The following SLC24A3 variants were observed in gnomAD, a reference collection of about 807,000 sequenced individuals.
SLC24A3 encodes sodium/potassium/calcium exchanger 3.
Under a neutral mutation model 75.8 loss-of-function variants are expected in SLC24A3, and 28 were observed. The observed-to-expected ratio is 0.37, with a 90% CI of 0.27 to 0.51. The LOEUF is 0.51. Among genes scored for constraint, SLC24A3 ranks in the 20% least tolerant of loss-of-function variants. The probability of loss-of-function intolerance (pLI) is 0.94; values close to 1 mark genes in which losing one functional copy is unlikely to be tolerated. For missense variants in SLC24A3, 663 were observed against 847.8 expected (o/e 0.78, Z 2.71); for synonymous variants, 372 against 334.1 (o/e 1.11, Z -1.24).
At chr20:19,674,523 G>A (rs1472623784) in intron 9 of SLC24A3, among the ~76,000 whole-genome samples, 1 of 152,146 alleles carries the variant, frequency 6.6e-6, no homozygotes, top group East Asian at 1.9e-4. Flanking sequence ...AGAGCAAGTG[G>A]TTCAAGACAG....
At chr20:19,395,159 T>C (rs1032883142) in intron 2 of SLC24A3, among the ~76,000 whole-genome samples, 1 of 151,958 alleles carries the variant, frequency 6.6e-6, no homozygotes, top group East Asian at 1.9e-4. Flanking sequence ...AAACAGGAAG[T>C]TGGATGGTGG....
intron 6 of SLC24A3, among the ~76,000 whole-genome samples, chr20:19,587,856 G>C (rs2031320688): frequency 6.6e-6 from 1 of 152,150 alleles, no homozygotes; most frequent in South Asian, 2.1e-4. Context: ...GCTCTACATG[G>C]TAAGTCAGTC....
In SLC24A3 at chr20:19,394,683, T is replaced by C. The variant is rs538359092; in HGVS notation, c.271+113596T>C. ...AGATATCACCTCCTACCTAGTAGGA[T>C]GGCTGTCATAAAAAACAAACAAAAC... On this transcript the variant is annotated intron_variant, in intron 2 of 16. Transcript: ENST00000328041. Among the ~76,000 whole-genome samples, 29 of 152,324 alleles carry C rather than the reference T, an allele frequency of 1.9e-4. No homozygotes were observed. In the South Asian group the frequency reaches 2.3e-3, roughly 12 times the overall value.
intron 6 of SLC24A3, among the ~76,000 whole-genome samples, chr20:19,613,822 C>T (rs964455311): frequency 2.6e-5 from 4 of 152,196 alleles, no homozygotes; most frequent in African/African-American, 7.2e-5. Context: ...CCTTGGTTTG[C>T]GTAGCTGTTG....
At chr20:19,587,495 G>A (rs1279687086) in intron 6 of SLC24A3, among the ~76,000 whole-genome samples, 1 of 152,176 alleles carries the variant, frequency 6.6e-6, no homozygotes, top group African/African-American at 2.4e-5. Context: ...ATGACTGTTG[G>A]GAGAAGCAGT....
At chr20:19,626,269 A>T (rs2031864832) in intron 6 of SLC24A3, among the ~76,000 whole-genome samples, 1 of 152,168 alleles carries the variant, frequency 6.6e-6, no homozygotes, top group African/African-American at 2.4e-5. Context: ...TCCATGTTTC[A>T]GCTGAGAAAT....
At chr20:19,515,199 A>G (rs551846072) in intron 2 of SLC24A3, among the ~76,000 whole-genome samples, 2 of 152,316 alleles carry the variant, frequency 1.3e-5, no homozygotes, top group African/African-American at 4.8e-5. Context: ...CCTAACAACC[A>G]CCATAAGATT....
rs115956153 is a variant in SLC24A3 at position 19,213,095 on chromosome 20, C to G, written c.142+111C>G. The G allele has an allele frequency of 2.7e-3, 3,054 of 1,117,608 alleles. 67 individuals carry two copies. In the African/African-American group the frequency reaches 0.047, roughly 17 times the overall value. 69.2% of individuals were successfully genotyped at this position (1,117,608 alleles called of 1,614,324 possible). A position where few individuals can be genotyped will look rare whatever the true frequency, so the allele number is the denominator to read the frequency against. On this transcript the variant is annotated intron_variant, in intron 1 of 16. Coordinates refer to ENST00000328041, the MANE Select transcript of SLC24A3 (RefSeq NM_020689.4). ...GGCCCGGCCGGAGCCCCAGGATAAG[C>G]GGGCTGGGTTGGCGGGGGGAGTGGG...
intron 2 of SLC24A3, among the ~76,000 whole-genome samples, chr20:19,395,072 G>A (rs1986430383): frequency 6.6e-6 from 1 of 152,208 alleles, no homozygotes; most frequent in Non-Finnish European, 1.5e-5. Context: ...CAATATGGAT[G>A]AAATAAGTCA....
intron 1 of SLC24A3, among the ~76,000 whole-genome samples, chr20:19,222,817 GTTCCTTCC>G (rs902501636): frequency 2.6e-3 from 127 of 49,198 alleles, no homozygotes; most frequent in East Asian, 1.8e-3. Flanking sequence ...TCCTTCCTTC[GTTCCTTCC>G]TTCCTTCCTT....
At chr20:19,629,678 G>C (rs2031910273) in intron 6 of SLC24A3, among the ~76,000 whole-genome samples, 1 of 152,146 alleles carries the variant, frequency 6.6e-6, no homozygotes, top group Middle Eastern at 3.2e-3. Context: ...CCTCATACAA[G>C]AGAAAATCCA....
At chr20:19,644,106 A>C (rs2032106495) in intron 6 of SLC24A3, among the ~76,000 whole-genome samples, 1 of 152,144 alleles carries the variant, frequency 6.6e-6, no homozygotes, top group African/African-American at 2.4e-5. Flanking sequence ...TGAAGTATGA[A>C]GCCCCAAACA....
intron 9 of SLC24A3, among the ~76,000 whole-genome samples, chr20:19,674,258 A>T (rs1005041094): frequency 1.3e-5 from 2 of 152,246 alleles, no homozygotes; most frequent in African/African-American, 4.8e-5. Context: ...CTGCTGCATA[A>T]CAAACCATCC....
At chr20:19,612,607 AGTGTGTGTGTGT>A (rs71198018) in intron 6 of SLC24A3, among the ~76,000 whole-genome samples, 6 of 146,832 alleles carry the variant, frequency 4.1e-5, no homozygotes, top group Admixed American at 6.8e-5. Context: ...CCTTAAGAAA[AGTGTGTGTGTGT>A]GTGTGTGTGT....
chr20:19,649,249 C>T (rs1341041157), intron 6 of SLC24A3, among the ~76,000 whole-genome samples: 3 of 152,232 alleles, frequency 2.0e-5, no homozygotes, highest in Admixed American at 2.0e-4. Flanking sequence ...TTCCGGTCTT[C>T]ATCTAGAGAT....
At chr20:19,378,756 A>G (rs532625763) in intron 2 of SLC24A3, among the ~76,000 whole-genome samples, 4 of 152,316 alleles carry the variant, frequency 2.6e-5, no homozygotes, top group Non-Finnish European at 5.9e-5. Flanking sequence ...TATTTCCTTC[A>G]TCTGTCTGTT....
intron 2 of SLC24A3, among the ~76,000 whole-genome samples, chr20:19,399,150 C>A (rs187173159): frequency 2.0e-5 from 3 of 152,100 alleles, no homozygotes; most frequent in Admixed American, 2.0e-4. Context: ...CATTCCTGAT[C>A]TGTCTGAATA....
At chr20:19,272,042 C>T (rs1983345257) in intron 1 of SLC24A3, among the ~76,000 whole-genome samples, 1 of 152,234 alleles carries the variant, frequency 6.6e-6, no homozygotes, top group South Asian at 2.1e-4. Context: ...TGGCCACTCC[C>T]ATGTGGATGC....
At chr20:19,474,635 G>A (rs1461008337) in intron 2 of SLC24A3, among the ~76,000 whole-genome samples, 1 of 152,098 alleles carries the variant, frequency 6.6e-6, no homozygotes, top group Non-Finnish European at 1.5e-5. Flanking sequence ...TATTTAGGGG[G>A]TGCAACAAGA....
Sources: allele counts gnomAD v4.1 joint callset (sites outside exome capture counted in the v4.1 genomes callset), GRCh38; gene constraint gnomAD v4.1.1; transcripts MANE v1.5; gene names NCBI Gene and HGNC (gene_info 2026-07-23, HGNC 2026-07-21).